The following TTC23 variants were observed in gnomAD, a reference collection of about 807,000 sequenced individuals.
TTC23 encodes the protein tetratricopeptide repeat protein 23.
In TTC23, 58 loss-of-function variants were observed where a neutral mutation model predicts 55.1. That is an observed-to-expected ratio of 1.05 (90% CI 0.85 to 1.31). The LOEUF (loss-of-function observed/expected upper bound fraction) is 1.31, where lower values mean the gene tolerates loss of function less well. Among genes scored for constraint, TTC23 ranks in the 50% most tolerant of loss-of-function variants. The pLI is 0.00. For synonymous variants in TTC23, 203 were observed against 199.9 expected, an observed-to-expected ratio of 1.02 and a Z score of -0.13; for missense variants, 516 against 534.4, an observed-to-expected ratio of 0.97 and a Z score of 0.34.
At chr15:99,219,136 G>C in intron 6 of TTC23, 88 bp from the exon 7 acceptor site, 1 of 1,455,996 alleles carries the variant, frequency 6.9e-7, no homozygotes, top group Non-Finnish European at 9.4e-7. Flanking sequence ...ATCTAACAAG[G>C]TCTCCTTCAC....
intron 8 of TTC23, among the ~76,000 whole-genome samples, chr15:99,202,011 T>A (rs188570575): frequency 1.6e-4 from 25 of 152,308 alleles, no homozygotes; most frequent in Non-Finnish European, 3.1e-4. Context: ...GCTGTTTTTG[T>A]AAATAAAGTT....
At chr15:99,180,330 AC>A (rs1472073761) in intron 9 of TTC23, among the ~76,000 whole-genome samples, 2 of 152,002 alleles carry the variant, frequency 1.3e-5, no homozygotes, top group African/African-American at 2.4e-5. Context: ...TCCACATTGA[AC>A]AAGGTCATTA....
chr15:99,198,508 T>C (rs1323358728), intron 9 of TTC23, among the ~76,000 whole-genome samples: 1 of 152,230 alleles, frequency 6.6e-6, no homozygotes, highest in Non-Finnish European at 1.5e-5. Flanking sequence ...CCTCAATAGC[T>C]TCCTAAGTGG....
At chr15:99,233,324 C>T (rs2079072232) in intron 4 of TTC23, among the ~76,000 whole-genome samples, 1 of 152,086 alleles carries the variant, frequency 6.6e-6, no homozygotes, top group Non-Finnish European at 1.5e-5. Context: ...TCATGTTGTA[C>T]AAATAAAAGA....
chr15:99,177,113 T>C (rs1301927050), intron 9 of TTC23, among the ~76,000 whole-genome samples: 3 of 152,220 alleles, frequency 2.0e-5, no homozygotes, highest in Non-Finnish European at 4.4e-5. Flanking sequence ...AGAGCGGAGA[T>C]AGAATCTTTG....
At chr15:99,192,261 G>A (rs985993014) in intron 9 of TTC23, among the ~76,000 whole-genome samples, 10 of 152,142 alleles carry the variant, frequency 6.6e-5, no homozygotes, top group African/African-American at 1.9e-4. Context: ...GTAATGAGGA[G>A]TGAATTTTCA....
chr15:99,245,165 T>C (rs1389689773), intron 2 of TTC23, among the ~76,000 whole-genome samples: 2 of 152,148 alleles, frequency 1.3e-5, no homozygotes, highest in Admixed American at 1.3e-4. Flanking sequence ...CATATTTCAA[T>C]AAAGCTGGGG....
chr15:99,186,777 C>T (rs2074706545), intron 9 of TTC23, among the ~76,000 whole-genome samples: 1 of 151,952 alleles, frequency 6.6e-6, no homozygotes, highest in Non-Finnish European at 1.5e-5. Context: ...CTAAAAACTA[C>T]AAAACATGGT....
chr15:99,203,241 C>T (rs527374514), intron 8 of TTC23, among the ~76,000 whole-genome samples: 13 of 151,968 alleles, frequency 8.6e-5, no homozygotes, highest in East Asian at 7.7e-4. Flanking sequence ...AAAGTAAGAA[C>T]GCATAAATAA....
At chr15:99,179,446 G>C (rs2073913612) in intron 9 of TTC23, among the ~76,000 whole-genome samples, 1 of 152,192 alleles carries the variant, frequency 6.6e-6, no homozygotes. Context: ...CTCCACTGAT[G>C]CATTAATTGA....
intron 10 of TTC23, among the ~76,000 whole-genome samples, chr15:99,170,537 C>T (rs144658363): frequency 6.4e-4 from 97 of 152,326 alleles, no homozygotes; most frequent in Middle Eastern, 3.4e-3. Flanking sequence ...GGGATCCAGC[C>T]AGGACTTCTG....
At chr15:99,188,257 T>TA (rs1567431885) in intron 9 of TTC23, among the ~76,000 whole-genome samples, 1 of 152,048 alleles carries the variant, frequency 6.6e-6, no homozygotes, top group Non-Finnish European at 1.5e-5. Flanking sequence ...CCACATACTG[T>TA]ATGATTCTGT....
intron 3 of TTC23, among the ~76,000 whole-genome samples, chr15:99,236,875 A>G (rs778028519): frequency 6.6e-6 from 1 of 152,042 alleles, no homozygotes; most frequent in East Asian, 1.9e-4. Context: ...GAAGTAGCCC[A>G]ATTTATTTAT....
intron 3 of TTC23, among the ~76,000 whole-genome samples, chr15:99,235,360 T>G (rs1039364304): frequency 5.1e-4 from 74 of 145,972 alleles, no homozygotes; most frequent in African/African-American, 1.9e-3. Flanking sequence ...TTTAAGCATT[T>G]TTTTTTTTTT....
At chr15:99,187,393 A>G (rs1344256267) in intron 9 of TTC23, among the ~76,000 whole-genome samples, 1 of 145,492 alleles carries the variant, frequency 6.9e-6, no homozygotes, top group Non-Finnish European at 1.5e-5. Context: ...ACTCAGATGT[A>G]AGCCTTCATG....
At chr15:99,176,142 A>G (rs1034823767) in intron 9 of TTC23, among the ~76,000 whole-genome samples, 1 of 152,240 alleles carries the variant, frequency 6.6e-6, no homozygotes. Flanking sequence ...TTAAAATACT[A>G]TTAGTAACAT....
chr15:99,160,809 T>G (rs2071263880), intron 11 of TTC23: 1 of 151,778 alleles, frequency 6.6e-6, no homozygotes, highest in African/African-American at 2.4e-5. Context: ...GGTCAGGAGT[T>G]CAAGATCAGC....
At chr15:99,228,475 G>C (rs190647053) in intron 5 of TTC23, 58 bp downstream of exon 5, 6 of 1,429,074 alleles carry the variant, frequency 4.2e-6, no homozygotes, top group East Asian at 4.8e-5. Flanking sequence ...TACTTCTCTT[G>C]ATTATACCAT....
At chr15:99,189,443 G>A (rs1447345283) in intron 9 of TTC23, among the ~76,000 whole-genome samples, 1 of 152,190 alleles carries the variant, frequency 6.6e-6, no homozygotes, top group Non-Finnish European at 1.5e-5. Flanking sequence ...CTTAAAATGT[G>A]TCTTTAAAGA....
Sources: allele counts gnomAD v4.1 joint callset (sites outside exome capture counted in the v4.1 genomes callset), GRCh38; gene constraint gnomAD v4.1.1; transcripts MANE v1.5; gene names NCBI Gene and HGNC (gene_info 2026-07-23, HGNC 2026-07-21).